Variants in PLEKHM3 observed in about 807,000 individuals in gnomAD.
PLEKHM3 encodes the protein pleckstrin homology domain containing M3, also known as pleckstrin homology domain-containing family M member 3.
Under a neutral mutation model 81.8 loss-of-function variants are expected in PLEKHM3, and 45 were observed. The observed-to-expected ratio is 0.55, with a 90% CI of 0.43 to 0.71. PLEKHM3 has a LOEUF of 0.71. Ranked by LOEUF, PLEKHM3 falls within the 30% of genes least tolerant of loss-of-function variation. PLEKHM3 has a pLI of 0.00. For missense variants in PLEKHM3, 788 were observed against 924.3 expected (o/e 0.85, Z 1.91); for synonymous variants, 352 against 356.4 (o/e 0.99, Z 0.14).
At chr2:207,854,632 T>C (rs989636481) in intron 7 of PLEKHM3, among the ~76,000 whole-genome samples, 1 of 152,252 alleles carries the variant, frequency 6.6e-6, no homozygotes, top group African/African-American at 2.4e-5. Context: ...GGTGTTTAAC[T>C]GGAAACTGAA....
At chr2:207,959,467 A>T (rs1690656548) in intron 3 of PLEKHM3, among the ~76,000 whole-genome samples, 1 of 152,206 alleles carries the variant, frequency 6.6e-6, no homozygotes, top group Admixed American at 6.5e-5. Flanking sequence ...ATTTTCTCCC[A>T]GCTTGGATTT....
At chr2:207,961,172 C>T (rs1690718555) in intron 3 of PLEKHM3, among the ~76,000 whole-genome samples, 1 of 152,162 alleles carries the variant, frequency 6.6e-6, no homozygotes, top group Non-Finnish European at 1.5e-5. Context: ...GGATGCCTCC[C>T]AGCCACCACA....
chr2:207,870,127 T>C (rs2092524975), intron 6 of PLEKHM3, among the ~76,000 whole-genome samples: 2 of 152,142 alleles, frequency 1.3e-5, no homozygotes, highest in South Asian at 2.1e-4. Context: ...TAGAGATCTG[T>C]GGGATTGGGA....
At chr2:207,848,830 C>G (rs1221607269) in intron 7 of PLEKHM3, among the ~76,000 whole-genome samples, 1 of 152,214 alleles carries the variant, frequency 6.6e-6, no homozygotes, top group African/African-American at 2.4e-5. Flanking sequence ...TCAGGACAAG[C>G]TGGACATTTC....
intron 7 of PLEKHM3, chr2:207,851,173 A>T (rs2092410426): frequency 6.6e-6 from 1 of 151,452 alleles, no homozygotes; most frequent in African/African-American, 2.4e-5. Context: ...AAAAAAAAAA[A>T]AGGTTAGAGC....
At chr2:207,886,297 A>C (rs1477689683) in intron 6 of PLEKHM3, among the ~76,000 whole-genome samples, 1 of 152,154 alleles carries the variant, frequency 6.6e-6, no homozygotes. Flanking sequence ...GATTCCAACA[A>C]GAAGGAGAAA....
At chr2:208,009,880 C>T (rs1277502803) in intron 1 of PLEKHM3, among the ~76,000 whole-genome samples, 2 of 152,210 alleles carry the variant, frequency 1.3e-5, no homozygotes, top group Non-Finnish European at 2.9e-5. Context: ...ATTTGACATA[C>T]TTTCCGAAAC....
chr2:207,948,340 TC>T (rs933790888), intron 3 of PLEKHM3, among the ~76,000 whole-genome samples: 2 of 138,544 alleles, frequency 1.4e-5, no homozygotes, highest in African/African-American at 5.3e-5. Flanking sequence ...CACTAGAAAC[TC>T]CTCAGATCTT....
At chr2:208,012,179 C>T (rs1391720237) in intron 1 of PLEKHM3, among the ~76,000 whole-genome samples, 3 of 151,104 alleles carry the variant, frequency 2.0e-5, no homozygotes, top group East Asian at 3.9e-4. Flanking sequence ...GTAGCTGGGA[C>T]TACAGGTGCC....
At chr2:207,969,461 T>C (rs1456316050) in intron 3 of PLEKHM3, among the ~76,000 whole-genome samples, 1 of 152,260 alleles carries the variant, frequency 6.6e-6, no homozygotes. Context: ...GTATCCTTTA[T>C]GTCTAAATGA....
chr2:207,862,498 C>T (rs769304893), intron 6 of PLEKHM3, among the ~76,000 whole-genome samples: 11 of 151,874 alleles, frequency 7.2e-5, no homozygotes, highest in Non-Finnish European at 1.3e-4. Flanking sequence ...ATTAGCCGGG[C>T]GTGGTGGCAG....
At chr2:207,947,896 CA>C (rs1051736649) in intron 3 of PLEKHM3, among the ~76,000 whole-genome samples, 2 of 152,170 alleles carry the variant, frequency 1.3e-5, no homozygotes, top group Non-Finnish European at 2.9e-5. Context: ...CTTTCATTTT[CA>C]TCACAAATAC....
At chr2:207,878,920 C>T (rs1398564509) in intron 6 of PLEKHM3, among the ~76,000 whole-genome samples, 2 of 151,968 alleles carry the variant, frequency 1.3e-5, no homozygotes, top group Non-Finnish European at 2.9e-5. Context: ...CTCAGCATGC[C>T]CTATAAAGTC....
intron 1 of PLEKHM3, among the ~76,000 whole-genome samples, chr2:208,002,690 C>A (rs897825931): frequency 3.9e-5 from 6 of 152,076 alleles, no homozygotes; most frequent in African/African-American, 1.4e-4. Flanking sequence ...TACATCTCTA[C>A]CTGGGCAGAA....
chr2:207,976,889 G>T lies in PLEKHM3; in HGVS notation c.1308C>A (p.Leu436=). 6.2e-7 allele frequency: 1 copy of T among 1,614,208 alleles called. No homozygotes were observed. Residue 436 remains leucine, a synonymous_variant, in exon 3 of 8, where the codon CTC becomes CTA. Transcript: ENST00000427836. The surrounding 1 kb of genome is among the most constrained non-coding windows in gnomAD (Gnocchi z 4.1). ...QVIFPQDVLR[L]RAETRQRAQE... is the part of the protein sequence containing the mutation. ...GAGCCCTCTGTCGGGTCTCAGCTCGGAGGCGAAGGACATCCTGGGGGAAAA... is the reference window on the plus strand; with the variant it reads ...GAGCCCTCTGTCGGGTCTCAGCTCGTAGGCGAAGGACATCCTGGGGGAAAA...
chr2:208,010,153 T>C (rs1692641617), intron 1 of PLEKHM3, among the ~76,000 whole-genome samples: 1 of 152,264 alleles, frequency 6.6e-6, no homozygotes, highest in Non-Finnish European at 1.5e-5. Flanking sequence ...CCCTTTGAAG[T>C]AGTCCCAACA....
At chr2:207,885,248 T>C (rs1687852520) in intron 6 of PLEKHM3, among the ~76,000 whole-genome samples, 1 of 152,254 alleles carries the variant, frequency 6.6e-6, no homozygotes, top group Non-Finnish European at 1.5e-5. Flanking sequence ...TATTGGCGTA[T>C]GTTGGCCTTG....
At position 207,976,411 on chromosome 2, in the gene PLEKHM3, G is replaced by A. The variant is rs567667601; in HGVS notation, c.1546+240C>T. ...TAGCCAAATCATTTTGATTCAACAG[G>A]ATATATCATAGCTGCTTCTATTTAC... On this transcript the variant is annotated intron_variant, in intron 3 of 7. Coordinates refer to ENST00000427836, the MANE Select transcript of PLEKHM3 (RefSeq NM_001080475.3). This position sits in a 1 kb window ranked among gnomAD's most constrained non-coding sequence, Gnocchi z 4.1. 1.2e-4 allele frequency among the ~76,000 whole-genome samples: 18 copies of A among 152,288 alleles called. No individual in the cohort carries two copies. In the South Asian group the frequency reaches 3.7e-3, roughly 32 times the overall value.
chr2:208,010,472 T>A (rs1214690940), intron 1 of PLEKHM3, among the ~76,000 whole-genome samples: 1 of 152,216 alleles, frequency 6.6e-6, no homozygotes, highest in Non-Finnish European at 1.5e-5. Context: ...CCATCTCCCT[T>A]TGCCTCCATG....
Sources: allele counts gnomAD v4.1 joint callset (sites outside exome capture counted in the v4.1 genomes callset), GRCh38; gene constraint gnomAD v4.1.1; non-coding constraint Gnocchi (gnomAD v3.1); transcripts MANE v1.5; gene names NCBI Gene and HGNC (gene_info 2026-07-23, HGNC 2026-07-21).